PEX5L: variants seen among roughly 807,000 people sequenced by gnomAD.
PEX5L encodes the protein peroxisomal biogenesis factor 5 like.
PEX5L carries 30 observed loss-of-function variants against 84.0 expected under a neutral mutation model. The ratio of observed to expected loss-of-function variants is 0.36; its 90% CI spans 0.27 to 0.48. The LOEUF is 0.48. PEX5L is among the 20% of genes least tolerant of loss of function. The pLI, the probability that PEX5L is intolerant of heterozygous loss-of-function variation, is 0.99. For missense variants in PEX5L, 533 were observed against 754.6 expected (o/e 0.71, Z 3.44); for synonymous variants, 270 against 283.1 (o/e 0.95, Z 0.46).
chr3:179,864,333 G>A (rs1448783419), intron 7 of PEX5L, among the ~76,000 whole-genome samples: 2 of 152,106 alleles, frequency 1.3e-5, no homozygotes, highest in Non-Finnish European at 2.9e-5. Context: ...ATATATAGAT[G>A]ATGGAATGCT....
chr3:179,905,873 T>C (rs1440469765), intron 2 of PEX5L, among the ~76,000 whole-genome samples: 1 of 152,258 alleles, frequency 6.6e-6, no homozygotes, highest in African/African-American at 2.4e-5. Context: ...TTGTTTGGTA[T>C]AGTCCTCTAT....
chr3:179,988,415 T>TAAATA (rs1553924182), intron 1 of PEX5L, among the ~76,000 whole-genome samples: 1 of 150,664 alleles, frequency 6.6e-6, no homozygotes, highest in African/African-American at 2.4e-5. Flanking sequence ...AATAAATAAA[T>TAAATA]AAATAAAATA....
chr3:179,922,599 C>T (rs1334650055), intron 2 of PEX5L, among the ~76,000 whole-genome samples: 1 of 151,916 alleles, frequency 6.6e-6, no homozygotes, highest in African/African-American at 2.4e-5. Flanking sequence ...CAGGCACGGG[C>T]CACCATGCCT....
chr3:179,901,800 T>C (rs1434042063), intron 2 of PEX5L: 1 of 152,258 alleles, frequency 6.6e-6, no homozygotes, highest in Non-Finnish European at 1.5e-5. Context: ...TAGAGAATAA[T>C]CTTTTTATTA....
At chr3:179,904,804 T>G (rs894843889) in intron 2 of PEX5L, among the ~76,000 whole-genome samples, 2 of 152,064 alleles carry the variant, frequency 1.3e-5, no homozygotes, top group Non-Finnish European at 2.9e-5. Flanking sequence ...TTGGCCCTTC[T>G]CCTTCTGAGT....
intron 2 of PEX5L, among the ~76,000 whole-genome samples, chr3:179,961,292 A>C (rs960885975): frequency 1.3e-5 from 2 of 152,084 alleles, no homozygotes; most frequent in African/African-American, 4.8e-5. Context: ...AACCATGTGA[A>C]AAATTAAACC....
chr3:179,972,696 T>G (rs1785062596), intron 1 of PEX5L, among the ~76,000 whole-genome samples: 1 of 152,212 alleles, frequency 6.6e-6, no homozygotes, highest in Non-Finnish European at 1.5e-5. Context: ...AGATATATCC[T>G]TCAGTGAACA....
chr3:179,986,515 G>T (rs561693939), intron 1 of PEX5L, among the ~76,000 whole-genome samples: 1 of 149,644 alleles, frequency 6.7e-6, no homozygotes, highest in Non-Finnish European at 1.5e-5. Flanking sequence ...CCATTCTCCT[G>T]CCTCAGCCTC....
intron 6 of PEX5L, 42 bp downstream of exon 6, chr3:179,875,312 T>A (rs753157232): frequency 6.2e-7 from 1 of 1,604,584 alleles, no homozygotes; most frequent in Non-Finnish European, 8.5e-7. Flanking sequence ...ACTCATAAAG[T>A]TGATACATAA....
At chr3:179,827,585 T>G (rs1731017515) in intron 8 of PEX5L, among the ~76,000 whole-genome samples, 1 of 152,204 alleles carries the variant, frequency 6.6e-6, no homozygotes. Flanking sequence ...CCACAGGTGT[T>G]GGAGTAATGT....
At chr3:179,960,364 T>G (rs950459852) in intron 2 of PEX5L, among the ~76,000 whole-genome samples, 1 of 152,128 alleles carries the variant, frequency 6.6e-6, no homozygotes. Context: ...GGGCATGAAG[T>G]TGAGGGGGCA....
chr3:179,825,536 G>A (rs1730130050), intron 8 of PEX5L, among the ~76,000 whole-genome samples: 1 of 152,080 alleles, frequency 6.6e-6, no homozygotes, highest in Non-Finnish European at 1.5e-5. Context: ...AGATAAACAT[G>A]GATCTGTCAT....
intron 11 of PEX5L, among the ~76,000 whole-genome samples, chr3:179,810,796 C>T (rs1295992048): frequency 6.6e-6 from 1 of 152,156 alleles, no homozygotes; most frequent in Admixed American, 6.5e-5. Flanking sequence ...GTTCCCAGCC[C>T]TGATCAATTA....
intron 3 of PEX5L, among the ~76,000 whole-genome samples, chr3:179,895,224 G>A (rs889312872): frequency 2.0e-5 from 3 of 151,886 alleles, no homozygotes; most frequent in South Asian, 2.1e-4. Flanking sequence ...TATAAAAATC[G>A]TTAATGTGAT....
chr3:179,828,863 C>T (rs572476635), intron 8 of PEX5L, among the ~76,000 whole-genome samples: 101 of 152,292 alleles, frequency 6.6e-4, no homozygotes, highest in African/African-American at 2.2e-3. Context: ...AAACTCATCT[C>T]CAATTAGCCA....
chr3:179,867,799 G>A (rs866702973), intron 7 of PEX5L, among the ~76,000 whole-genome samples: 26 of 152,218 alleles, frequency 1.7e-4, no homozygotes, highest in South Asian at 1.0e-3. Flanking sequence ...ACAAAATTGT[G>A]TATGGCCTGA....
At chr3:180,012,475 G>A (rs1789572453) in intron 1 of PEX5L, among the ~76,000 whole-genome samples, 1 of 152,050 alleles carries the variant, frequency 6.6e-6, no homozygotes, top group South Asian at 2.1e-4. Context: ...GAAACAAACT[G>A]GTAGGTTTTG....
chr3:179,843,992 G>A (rs948014448), intron 8 of PEX5L, among the ~76,000 whole-genome samples: 3 of 152,206 alleles, frequency 2.0e-5, no homozygotes, highest in African/African-American at 7.2e-5. Flanking sequence ...TGCAGAAGTG[G>A]TGTCAACCAA....
chr3:179,846,244 A>G (rs189791428), intron 8 of PEX5L, among the ~76,000 whole-genome samples: 79 of 152,286 alleles, frequency 5.2e-4, no homozygotes, highest in African/African-American at 1.9e-3. Context: ...CATATTTATG[A>G]GGTATATGTG....
Sources: allele counts gnomAD v4.1 joint callset (sites outside exome capture counted in the v4.1 genomes callset), GRCh38; gene constraint gnomAD v4.1.1; transcripts MANE v1.5; gene names NCBI Gene and HGNC (gene_info 2026-07-23, HGNC 2026-07-21).